PCBP3: variants seen among roughly 807,000 people sequenced by gnomAD.
PCBP3 encodes the protein poly(rC) binding protein 3.
PCBP3 carries 25 observed loss-of-function variants against 52.7 expected under a neutral mutation model. That is an observed-to-expected ratio of 0.47 (90% CI 0.35 to 0.66). The LOEUF is 0.66. Among genes scored for constraint, PCBP3 ranks in the 30% least tolerant of loss-of-function variants. The pLI is 0.01. For missense variants in PCBP3, 391 were observed against 490.3 expected, an observed-to-expected ratio of 0.80 and a Z score of 1.91; for synonymous variants, 162 against 183.0, an observed-to-expected ratio of 0.89 and a Z score of 0.93.
chr21:45,679,623 A>T (rs915012484), intron 2 of PCBP3, among the ~76,000 whole-genome samples: 1 of 152,222 alleles, frequency 6.6e-6, no homozygotes, highest in Non-Finnish European at 1.5e-5. Context: ...ATATACCTAT[A>T]TTCTAATATG....
At position 45,736,059 on chromosome 21, in the gene PCBP3, A is replaced by C. The variant is rs1044242642; in HGVS notation, c.-162+630A>C. 7.2e-5 allele frequency among the ~76,000 whole-genome samples: 11 copies of C among 152,220 alleles called. No individual in the cohort carries two copies. Among genetic ancestry groups the C allele is most frequent in the Non-Finnish European group, 1.5e-4 (10 of 68,036 alleles). On this transcript the variant is annotated intron_variant, in intron 3 of 17. Coordinates refer to ENST00000681687, the MANE Select transcript of PCBP3 (RefSeq NM_001384156.1). This position sits in a 1 kb window ranked among gnomAD's most constrained non-coding sequence, Gnocchi z 4.6. ...GTCTTTCTTTTTCTAAAGCTTATTA[A>C]AGGTCATTTTCAAAACGTTTTCAGC...
chr21:45,861,213 G>A (rs989098962), intron 5 of PCBP3, among the ~76,000 whole-genome samples: 2 of 152,072 alleles, frequency 1.3e-5, no homozygotes, highest in Non-Finnish European at 2.9e-5. Flanking sequence ...TCTCCCCACC[G>A]CACACAGCAG....
In PCBP3 at chr21:45,757,526, T is replaced by C. The variant is rs1421912440; in HGVS notation, c.-126+2074T>C. Among the ~76,000 whole-genome samples, 3 of 152,344 alleles carry C rather than the reference T, an allele frequency of 2.0e-5. No homozygotes were observed. In the East Asian group the frequency reaches 5.8e-4, roughly 29 times the overall value. On this transcript the variant is annotated intron_variant, in intron 4 of 17. Transcript: ENST00000681687. Reference sequence around the variant, plus strand: ...TTTTGACAAACAAAAGTTTTTAATTTCAGTGAAGTTCACTTTACCTGTTTT... The same window carrying C: ...TTTTGACAAACAAAAGTTTTTAATTCCAGTGAAGTTCACTTTACCTGTTTT...
chr21:45,910,575 T>C lies in PCBP3; in HGVS notation c.472-327T>C, dbSNP rs569008418. On this transcript the variant is annotated intron_variant, in intron 10 of 17. Coordinates refer to ENST00000681687, the MANE Select transcript of PCBP3 (RefSeq NM_001384156.1). ...CCAGAGTCCACCTTTCTCTGTGACC[T>C]AAAACTCCACAGAGGAGAGAGGATT... Among the ~76,000 whole-genome samples, 5 of 152,294 alleles carry C rather than the reference T, an allele frequency of 3.3e-5. No homozygotes were observed. In the East Asian group the frequency reaches 9.7e-4, roughly 30 times the overall value.
rs1283660589 is a variant in PCBP3 at position 45,853,711 on chromosome 21, A to T, written c.10+3616A>T. ...TCACTGGGTTAAAAAGCTAAGAAAC[A>T]TGAGTGGTGTTAAACCATTCTGCCT... On this transcript the variant is annotated intron_variant, in intron 5 of 17. Transcript: ENST00000681687. This position sits in a 1 kb window ranked among gnomAD's most constrained non-coding sequence, Gnocchi z 4.6. 6.6e-6 allele frequency among the ~76,000 whole-genome samples: 1 copy of T among 152,244 alleles called. No homozygotes were observed. The highest frequency in any genetic ancestry group is 1.9e-4 in the East Asian group (1 of 5,196).
At chr21:45,907,673 G>C (rs527372729) in intron 9 of PCBP3, among the ~76,000 whole-genome samples, 3 of 152,060 alleles carry the variant, frequency 2.0e-5, no homozygotes, top group African/African-American at 7.2e-5. Context: ...GTCTTGTCTG[G>C]GTGTAGGGAA....
intron 4 of PCBP3, among the ~76,000 whole-genome samples, chr21:45,777,878 A>G (rs776381433): frequency 6.6e-6 from 1 of 151,210 alleles, no homozygotes; most frequent in Non-Finnish European, 1.5e-5. Context: ...CTTAAAATCA[A>G]TATTTTGAAT....
rs530219511 is a variant in PCBP3, at chr21:45,687,528, A to G, written c.-200+18576A>G. Among the ~76,000 whole-genome samples, 21 of 152,334 alleles carry G rather than the reference A, an allele frequency of 1.4e-4. No individual in the cohort carries two copies. In the South Asian group the frequency reaches 2.1e-3, roughly 15 times the overall value. On this transcript the variant is annotated intron_variant, in intron 2 of 17. Transcript: ENST00000681687. The stretch of plus-strand genomic sequence containing the variant: ...ATAAACAACAAACAAGTAGTAAGTT[A>G]GTAAATTTAAACCCAACAGTATCAA...
intron 5 of PCBP3, among the ~76,000 whole-genome samples, chr21:45,877,802 A>G (rs1318474154): frequency 6.6e-6 from 1 of 152,266 alleles, no homozygotes; most frequent in Non-Finnish European, 1.5e-5. Flanking sequence ...TCTTAAAAAA[A>G]AAAAATTAAA....
intron 9 of PCBP3, among the ~76,000 whole-genome samples, chr21:45,903,523 G>A (rs981392969): frequency 2.0e-5 from 3 of 152,106 alleles, no homozygotes; most frequent in South Asian, 2.1e-4. Context: ...GGTGGTGGGC[G>A]GTGTGTCCAG....
chr21:45,655,961 TTGAA>T (rs2079992735), intron 1 of PCBP3, among the ~76,000 whole-genome samples: 1 of 152,186 alleles, frequency 6.6e-6, no homozygotes, highest in South Asian at 2.1e-4. Flanking sequence ...TCACACCAGT[TTGAA>T]TGGCAATCCT....
At chr21:45,941,550 G>A (rs188137531) in intron 17 of PCBP3, 120 bp from the exon 18 acceptor site, 108 of 836,020 alleles carry the variant, frequency 1.3e-4, no homozygotes, top group Admixed American at 3.1e-4. Flanking sequence ...GACCTCCTGA[G>A]CTGACCGGGA....
At chr21:45,840,913 C>T (rs1167315913) in intron 4 of PCBP3, among the ~76,000 whole-genome samples, 1 of 152,190 alleles carries the variant, frequency 6.6e-6, no homozygotes, top group East Asian at 1.9e-4. Flanking sequence ...CTGCACCCGG[C>T]CTTTTAAAAT....
chr21:45,799,457 G>C (rs529175319), intron 4 of PCBP3, among the ~76,000 whole-genome samples: 1 of 152,108 alleles, frequency 6.6e-6, no homozygotes. Flanking sequence ...ATCTTCCTCT[G>C]TACCTAATTT....
chr21:45,924,133 G>A lies in PCBP3; in HGVS notation c.718-5784G>A, dbSNP rs1368335948. ...AGTCGAGTGGGTAGAAACAGCACAC[G>A]TAAGGTCGGGTGTGCACGAGGAGAT... On this transcript the variant is annotated intron_variant, in intron 13 of 17. Coordinates refer to ENST00000681687, the MANE Select transcript of PCBP3 (RefSeq NM_001384156.1). Among the ~76,000 whole-genome samples the A allele has an allele frequency of 1.6e-4, 16 of 101,950 alleles. 1 individual carries two copies. Among genetic ancestry groups the A allele is most frequent in the Admixed American group, 1.1e-3 (13 of 11,432 alleles). 66.9% of individuals were successfully genotyped at this position (101,950 alleles called of 152,430 possible).
At chr21:45,934,822 G>A (rs1460813241) in intron 15 of PCBP3, among the ~76,000 whole-genome samples, 1 of 152,182 alleles carries the variant, frequency 6.6e-6, no homozygotes, top group East Asian at 1.9e-4. Flanking sequence ...GAGAACTAAG[G>A]GAAAATGGGC....
rs1421888742 is a variant in PCBP3, at chr21:45,785,327, C to T, written c.-126+29875C>T. ...CCCCCGCCCGGCCAGCCGCCCCGTC[C>T]GGGAGGGAGGTGGGGGGGTCAGCCC... is the stretch of plus-strand genomic sequence containing the variant. On this transcript the variant is annotated intron_variant, in intron 4 of 17. Coordinates refer to ENST00000681687, the MANE Select transcript of PCBP3 (RefSeq NM_001384156.1). Among the ~76,000 whole-genome samples, 554 of 149,880 alleles carry T rather than the reference C, an allele frequency of 3.7e-3. 1 individual carries two copies. Among genetic ancestry groups the T allele is most frequent in the African/African-American group, 0.013 (533 of 40,664 alleles).
In PCBP3 at chr21:45,917,456, T is replaced by A. The variant is rs2073665261; in HGVS notation, c.676-132T>A. ...GGAGGGTTGGCCCTTTGTCCTAGGA[T>A]GGGGACAGGTGGAGAGGCACACGAG... On this transcript the variant is annotated intron_variant, in intron 12 of 17. Transcript: ENST00000681687. This position sits in a 1 kb window ranked among gnomAD's most constrained non-coding sequence, Gnocchi z 5.3. 1 of 701,852 alleles carries A rather than the reference T, an allele frequency of 1.4e-6. No individual in the cohort carries two copies. Among genetic ancestry groups the A allele is most frequent in the South Asian group, 1.7e-5 (1 of 60,290 alleles). 43.5% of individuals were successfully genotyped at this position (701,852 alleles called of 1,614,324 possible).
At chr21:45,773,308 G>T (rs2090019071) in intron 4 of PCBP3, among the ~76,000 whole-genome samples, 1 of 152,116 alleles carries the variant, frequency 6.6e-6, no homozygotes, top group Non-Finnish European at 1.5e-5. Flanking sequence ...ATTTTGAATT[G>T]ATTTTTGTGT....
Sources: gnomAD v4.1 joint callset for allele counts (sites outside exome capture counted in the v4.1 genomes callset) on GRCh38, gnomAD v4.1.1 for gene constraint, Gnocchi (gnomAD v3.1) non-coding constraint, MANE v1.5 for transcripts, NCBI Gene and HGNC (gene_info 2026-07-23, HGNC 2026-07-21) for gene names.